The following PCBD2 variants were observed in gnomAD, a reference collection of about 807,000 sequenced individuals.
PCBD2 encodes pterin-4 alpha-carbinolamine dehydratase 2.
PCBD2 carries 12 observed loss-of-function variants against 16.4 expected under a neutral mutation model. The ratio of observed to expected loss-of-function variants is 0.73; its 90% CI spans 0.47 to 1.19. The LOEUF (loss-of-function observed/expected upper bound fraction) is 1.19. Among genes scored for constraint, PCBD2 ranks in the 50% most tolerant of loss-of-function variants. The probability of loss-of-function intolerance (pLI) is 0.00; values close to 1 mark genes in which losing one functional copy is unlikely to be tolerated. For synonymous variants in PCBD2, 58 were observed against 61.8 expected, an observed-to-expected ratio of 0.94 and a Z score of 0.29; for missense variants, 138 against 156.8, an observed-to-expected ratio of 0.88 and a Z score of 0.64.
At chr5:134,931,290 A>C (rs1052351892) in intron 2 of PCBD2, among the ~76,000 whole-genome samples, 1 of 152,178 alleles carries the variant, frequency 6.6e-6, no homozygotes, top group African/African-American at 2.4e-5. Flanking sequence ...AATTAATTTT[A>C]GAAATTTGGA....
chr5:134,956,259 A>C (rs1751414189), intron 2 of PCBD2, among the ~76,000 whole-genome samples: 2 of 91,212 alleles, frequency 2.2e-5, no homozygotes. Context: ...AGAAAAATAC[A>C]AATTTGAGGG....
chr5:134,960,861 G>A lies in PCBD2; in HGVS notation c.*180G>A. 2.0e-6 allele frequency: 1 copy of A among 498,144 alleles called. No individual in the cohort carries two copies. Among genetic ancestry groups the A allele is most frequent in the South Asian group, 2.4e-5 (1 of 41,970 alleles). The allele number at this position is 498,144 out of a possible 1,614,324, so 30.9% of individuals were successfully genotyped here. ...GGCTCACTGTAACCTCCGCCTCCCAGGTTCAGGTGATTCTCCTGCCTCAGC... is the reference window on the plus strand; with the variant it reads ...GGCTCACTGTAACCTCCGCCTCCCAAGTTCAGGTGATTCTCCTGCCTCAGC... On this transcript the variant is annotated 3_prime_UTR_variant, in exon 4 of 4. Transcript: ENST00000254908.
chr5:134,929,536 G>A lies in PCBD2; in HGVS notation c.216+19070G>A, dbSNP rs79461863. ...GACCGTAGCAAAGTTGGTTTCGGTGGGTGGGGCACAGGACAGCCTGGAGAG... is the reference window on the plus strand; with the variant it reads ...GACCGTAGCAAAGTTGGTTTCGGTGAGTGGGGCACAGGACAGCCTGGAGAG... On this transcript the variant is annotated intron_variant, in intron 2 of 3. Coordinates refer to ENST00000254908, the MANE Select transcript of PCBD2 (RefSeq NM_032151.5). Among the ~76,000 whole-genome samples the A allele has an allele frequency of 3.4e-3, 514 of 152,198 alleles. 8 individuals are homozygous for A. The East Asian group carries it at 0.037, about 11-fold the overall frequency.
intron 2 of PCBD2, among the ~76,000 whole-genome samples, chr5:134,921,809 G>A (rs972836917): frequency 2.6e-5 from 4 of 152,220 alleles, no homozygotes; most frequent in Non-Finnish European, 4.4e-5. Flanking sequence ...TCCCTCTAGA[G>A]TTCTGGTAGG....
chr5:134,952,694 A>C lies in PCBD2; in HGVS notation c.217-6346A>C, dbSNP rs184663551. ...ATGGCACTTGCCTGTAGTCCTAGCT[A>C]CTTGGGAGGCTGAGATAGGATGGAT... is the stretch of plus-strand genomic sequence containing the variant. On this transcript the variant is annotated intron_variant, in intron 2 of 3. Coordinates refer to ENST00000254908, the MANE Select transcript of PCBD2 (RefSeq NM_032151.5). 4.6e-5 allele frequency among the ~76,000 whole-genome samples: 7 copies of C among 152,220 alleles called. No individual in the cohort carries two copies. The East Asian group carries it at 1.2e-3, about 25-fold the overall frequency.
intron 1 of PCBD2, 134 bp downstream of exon 1, chr5:134,905,357 T>G: frequency 1.3e-6 from 1 of 772,656 alleles, no homozygotes; most frequent in Non-Finnish European, 1.7e-6. Context: ...GGGCGTCGGG[T>G]CACCGCGTCC....
chr5:134,925,314 T>C (rs1580883085), intron 2 of PCBD2: 1 of 398,434 alleles, frequency 2.5e-6, no homozygotes, highest in Middle Eastern at 6.3e-4. Context: ...GGAAGGGTAT[T>C]CCTGCCAATG....
chr5:134,908,085 A>G (rs1348227341), intron 1 of PCBD2, among the ~76,000 whole-genome samples: 2 of 150,570 alleles, frequency 1.3e-5, no homozygotes, highest in African/African-American at 4.9e-5. Context: ...ACACCCGGCT[A>G]TTTTTTAAAA....
At chr5:134,907,871 C>A (rs1044189446) in intron 1 of PCBD2, among the ~76,000 whole-genome samples, 1 of 151,552 alleles carries the variant, frequency 6.6e-6, no homozygotes. Context: ...ATCCACCCAC[C>A]TCGGCCTCCC....
chr5:134,917,162 A>C (rs925819133), intron 2 of PCBD2, among the ~76,000 whole-genome samples: 21 of 152,232 alleles, frequency 1.4e-4, no homozygotes, highest in Non-Finnish European at 2.9e-5. Context: ...GATGAACTGG[A>C]AGCTTACAAA....
At chr5:134,937,084 T>A (rs1751169283) in intron 2 of PCBD2, among the ~76,000 whole-genome samples, 1 of 152,230 alleles carries the variant, frequency 6.6e-6, no homozygotes, top group Non-Finnish European at 1.5e-5. Flanking sequence ...ACATTCCATG[T>A]TGAAAAATAA....
chr5:134,943,487 C>T (rs1751256798), intron 2 of PCBD2, among the ~76,000 whole-genome samples: 1 of 152,220 alleles, frequency 6.6e-6, no homozygotes. Context: ...TTACTTTAAA[C>T]TTTTACAAAT....
chr5:134,930,348 T>C (rs1208077218), intron 2 of PCBD2, among the ~76,000 whole-genome samples: 1 of 150,734 alleles, frequency 6.6e-6, no homozygotes, highest in Non-Finnish European at 1.5e-5. Flanking sequence ...TCAGTGCACT[T>C]AGTCCCAGGG....
At chr5:134,908,170 C>T (rs1223951381) in intron 1 of PCBD2, among the ~76,000 whole-genome samples, 4 of 151,540 alleles carry the variant, frequency 2.6e-5, no homozygotes, top group African/African-American at 7.3e-5. Flanking sequence ...GATCCTCCCA[C>T]CTCAGCTTCC....
intron 2 of PCBD2, among the ~76,000 whole-genome samples, chr5:134,942,130 CAAAAAA>C (rs397882223): frequency 1.2e-5 from 1 of 82,288 alleles, no homozygotes; most frequent in Non-Finnish European, 2.2e-5. Flanking sequence ...GGCTCTGTCT[CAAAAAA>C]AAAAAAAAAA....
chr5:134,961,104 A>AAAAAG lies in PCBD2; in HGVS notation c.*428_*432dup. 1 of 153,850 alleles carries AAAAAG rather than the reference A, an allele frequency of 6.5e-6. No individual in the cohort carries two copies. Among genetic ancestry groups the AAAAAG allele is most frequent in the African/African-American group, 2.4e-5 (1 of 41,436 alleles). 9.5% of individuals were successfully genotyped at this position (153,850 alleles called of 1,614,324 possible). A position where few individuals can be genotyped will look rare whatever the true frequency, so the allele number is the denominator to read the frequency against. ...AAGGCATCATATCTAGAAGCAAAGA[A>AAAAAG]AAAAGAAAAATAACAATTTAAGTTG... is the stretch of plus-strand genomic sequence containing the variant. On this transcript the variant is annotated 3_prime_UTR_variant, in exon 4 of 4. Transcript: ENST00000254908.
chr5:134,960,356 C>A (rs1261809651), intron 3 of PCBD2, among the ~76,000 whole-genome samples: 1 of 152,128 alleles, frequency 6.6e-6, no homozygotes, highest in African/African-American at 2.4e-5. Flanking sequence ...TGGAAGAGAA[C>A]TTTTTATTTC....
At chr5:134,937,129 C>T (rs112902154) in intron 2 of PCBD2, among the ~76,000 whole-genome samples, 37 of 152,140 alleles carry the variant, frequency 2.4e-4, no homozygotes, top group African/African-American at 8.4e-4. Context: ...TTTAGAATTT[C>T]GTTTTAAGCT....
At position 134,923,047 on chromosome 5, in the gene PCBD2, C is replaced by T. The variant is rs114645416; in HGVS notation, c.216+12581C>T. On this transcript the variant is annotated intron_variant, in intron 2 of 3. Transcript: ENST00000254908. ...ATGGGTCATGGCACTATGGGAAGGACTTTACATGTATTCATTCATTTAATC... is the reference window on the plus strand; with the variant it reads ...ATGGGTCATGGCACTATGGGAAGGATTTTACATGTATTCATTCATTTAATC... Among the ~76,000 whole-genome samples, 1,335 of 152,224 alleles carry T rather than the reference C, an allele frequency of 8.8e-3. 15 individuals carry two copies. Among genetic ancestry groups the T allele is most frequent in the African/African-American group, 0.031 (1,272 of 41,528 alleles).
Sources: gnomAD v4.1 joint callset for allele counts (sites outside exome capture counted in the v4.1 genomes callset) on GRCh38, gnomAD v4.1.1 for gene constraint, MANE v1.5 for transcripts, NCBI Gene and HGNC (gene_info 2026-07-23, HGNC 2026-07-21) for gene names.